CTNNA3: variants seen among roughly 807,000 people sequenced by gnomAD.
CTNNA3 encodes catenin alpha 3.
Under a neutral mutation model 95.7 loss-of-function variants are expected in CTNNA3, and 76 were observed. That is an observed-to-expected ratio of 0.79 (90% CI 0.66 to 0.96). The LOEUF (loss-of-function observed/expected upper bound fraction) is 0.96, where lower values mean the gene tolerates loss of function less well. CTNNA3 is among the 40% of genes least tolerant of loss of function. CTNNA3 has a pLI of 0.00. For synonymous variants in CTNNA3, 431 were observed against 374.4 expected (o/e 1.15, Z -1.74); for missense variants, 1,191 against 1,089.8 (o/e 1.09, Z -1.31).
chr10:65,968,442 T>C (rs949654117), intron 16 of CTNNA3, among the ~76,000 whole-genome samples: 2 of 152,078 alleles, frequency 1.3e-5, no homozygotes, highest in African/African-American at 2.4e-5. Flanking sequence ...GAGCTGTCCA[T>C]CCTTCCTAGG....
chr10:66,337,812 T>A lies in CTNNA3; in HGVS notation c.1732+41340A>T, dbSNP rs551285217. ...ATACATCACTGATGGGAATATAAAA[T>A]GGTGCAGCCACTTTGGAAAACAGTA... On this transcript the variant is annotated intron_variant, in intron 12 of 17. Coordinates refer to ENST00000433211, the MANE Select transcript of CTNNA3 (RefSeq NM_013266.4). 5.3e-5 allele frequency among the ~76,000 whole-genome samples: 8 copies of A among 152,178 alleles called. No individual in the cohort carries two copies. In the East Asian group the frequency reaches 1.5e-3, roughly 29 times the overall value.
chr10:66,828,038 C>A (rs1842578206), intron 7 of CTNNA3, among the ~76,000 whole-genome samples: 1 of 152,234 alleles, frequency 6.6e-6, no homozygotes. Flanking sequence ...GCCATGTGTT[C>A]AACATCTGCA....
At chr10:66,223,676 G>C (rs1053532503) in intron 13 of CTNNA3, among the ~76,000 whole-genome samples, 1 of 152,118 alleles carries the variant, frequency 6.6e-6, no homozygotes, top group Admixed American at 6.6e-5. Flanking sequence ...TTATTGGCTT[G>C]GTATACATGC....
intron 12 of CTNNA3, among the ~76,000 whole-genome samples, chr10:66,377,443 T>A (rs1473848672): frequency 6.6e-6 from 1 of 152,122 alleles, no homozygotes; most frequent in Non-Finnish European, 1.5e-5. Flanking sequence ...AAACTTGCAA[T>A]TAAGTGTTTA....
At chr10:66,484,387 G>T (rs898297143) in intron 11 of CTNNA3, among the ~76,000 whole-genome samples, 2 of 151,540 alleles carry the variant, frequency 1.3e-5, no homozygotes, top group Admixed American at 6.6e-5. Context: ...TGAATGCATT[G>T]GTTTACAAAA....
chr10:67,150,457 A>T (rs1456786931), intron 7 of CTNNA3, among the ~76,000 whole-genome samples: 2 of 152,206 alleles, frequency 1.3e-5, no homozygotes, highest in Non-Finnish European at 2.9e-5. Context: ...TTGTTTGAGG[A>T]ACAAAATATT....
rs539418751 is a variant in CTNNA3 at position 65,999,946 on chromosome 10, A to G, written c.2160-11149T>C. 3.3e-5 allele frequency among the ~76,000 whole-genome samples: 5 copies of G among 151,304 alleles called. No homozygotes were observed. In the South Asian group the frequency reaches 6.2e-4, roughly 19 times the overall value. Reference sequence around the variant, plus strand: ...AATAATCAAAAAAAAAAAAAAGCAGATCAGACTCTGAAGTAGAGGGCCTGC... The same window carrying G: ...AATAATCAAAAAAAAAAAAAAGCAGGTCAGACTCTGAAGTAGAGGGCCTGC... On this transcript the variant is annotated intron_variant, in intron 15 of 17. Transcript: ENST00000433211.
At chr10:66,960,680 A>G (rs1431620108) in intron 7 of CTNNA3, among the ~76,000 whole-genome samples, 1 of 152,208 alleles carries the variant, frequency 6.6e-6, no homozygotes, top group Non-Finnish European at 1.5e-5. Flanking sequence ...TTAAATTTGC[A>G]AGCATCTCTT....
intron 7 of CTNNA3, among the ~76,000 whole-genome samples, chr10:67,058,280 A>T (rs1045605404): frequency 6.6e-6 from 1 of 152,220 alleles, no homozygotes; most frequent in Admixed American, 6.5e-5. Flanking sequence ...ATTTGGTCTT[A>T]GTCTATCACA....
chr10:66,862,911 T>C (rs1463211601), intron 7 of CTNNA3, among the ~76,000 whole-genome samples: 2 of 152,130 alleles, frequency 1.3e-5, no homozygotes, highest in African/African-American at 4.8e-5. Context: ...AAGTCTGCCC[T>C]TTCCCAAAGT....
intron 13 of CTNNA3, among the ~76,000 whole-genome samples, chr10:66,240,076 T>C (rs1210168076): frequency 1.3e-5 from 2 of 151,974 alleles, no homozygotes; most frequent in African/African-American, 2.4e-5. Flanking sequence ...ATTGCCTACA[T>C]TGTGTAACTT....
At chr10:66,965,430 G>C (rs1310557953) in intron 7 of CTNNA3, among the ~76,000 whole-genome samples, 3 of 151,836 alleles carry the variant, frequency 2.0e-5, no homozygotes, top group Non-Finnish European at 4.4e-5. Context: ...AGCTACTCAG[G>C]AGGCTGAGGC....
At chr10:66,830,172 T>C (rs1470998641) in intron 7 of CTNNA3, among the ~76,000 whole-genome samples, 1 of 152,192 alleles carries the variant, frequency 6.6e-6, no homozygotes, top group East Asian at 1.9e-4. Context: ...AAATCTCTCA[T>C]GTCTATAAGC....
At chr10:66,378,653 A>G (rs2939948) in intron 12 of CTNNA3, among the ~76,000 whole-genome samples, 97,379 of 152,038 alleles carry the variant, frequency 0.64, 32,718 homozygotes, top group East Asian at 0.88. Flanking sequence ...GAGTGGTTCC[A>G]CATTTCTTAT....
intron 6 of CTNNA3, among the ~76,000 whole-genome samples, chr10:67,201,056 G>A (rs1863619800): frequency 6.6e-6 from 1 of 152,052 alleles, no homozygotes; most frequent in South Asian, 2.1e-4. Context: ...CATCACCGGA[G>A]TTCCTACTCT....
intron 5 of CTNNA3, among the ~76,000 whole-genome samples, chr10:67,328,549 C>T (rs920519771): frequency 2.6e-5 from 4 of 152,198 alleles, no homozygotes; most frequent in Non-Finnish European, 5.9e-5. Context: ...AGGGGTCTCC[C>T]CCTGCCAGGG....
At chr10:67,704,812 A>G in intron 1 of CTNNA3, among the ~76,000 whole-genome samples, 1 of 152,218 alleles carries the variant, frequency 6.6e-6, no homozygotes, top group African/African-American at 2.4e-5. Context: ...CTGCACAGCA[A>G]AACAAACTAC....
At chr10:65,932,706 G>C (rs1284527827) in intron 17 of CTNNA3, among the ~76,000 whole-genome samples, 7 of 152,124 alleles carry the variant, frequency 4.6e-5, no homozygotes, top group African/African-American at 1.4e-4. Context: ...TCCTGGCTAA[G>C]GTCTCCCAAC....
intron 12 of CTNNA3, among the ~76,000 whole-genome samples, chr10:66,332,487 T>C (rs1011375231): frequency 1.1e-4 from 17 of 152,122 alleles, no homozygotes; most frequent in Admixed American, 4.6e-4. Context: ...GAGATAATCA[T>C]GTGGTTTTTG....
Sources: allele counts gnomAD v4.1 joint callset (sites outside exome capture counted in the v4.1 genomes callset), GRCh38; gene constraint gnomAD v4.1.1; transcripts MANE v1.5; gene names NCBI Gene and HGNC (gene_info 2026-07-23, HGNC 2026-07-21).